The following SOCS3 variants were observed in gnomAD, a reference collection of about 807,000 sequenced individuals.
The protein encoded by SOCS3 is suppressor of cytokine signaling 3, also known as STAT-induced STAT inhibitor 3.
In SOCS3, 5 loss-of-function variants were observed where a neutral mutation model predicts 11.7. The observed-to-expected ratio is 0.43, with a 90% CI of 0.22 to 0.90. The LOEUF (loss-of-function observed/expected upper bound fraction) is 0.90, where lower values mean the gene tolerates loss of function less well. SOCS3 is among the 40% of genes least tolerant of loss of function. The probability of loss-of-function intolerance (pLI) is 0.27; values close to 1 mark genes in which losing one functional copy is unlikely to be tolerated. For synonymous variants in SOCS3, 143 were observed against 136.3 expected, an observed-to-expected ratio of 1.05 and a Z score of -0.34; for missense variants, 203 against 302.0, an observed-to-expected ratio of 0.67 and a Z score of 2.43.
chr17:78,359,349 C>T (rs1037840857), intron 1 of SOCS3, among the ~76,000 whole-genome samples, 166 bp from the exon 2 acceptor site: 1 of 152,110 alleles, frequency 6.6e-6, no homozygotes, highest in Non-Finnish European at 1.5e-5. Flanking sequence ...CCGCACGGCT[C>T]CCGCCCCTGC....
chr17:78,358,301 TC>T lies in SOCS3; in HGVS notation c.*116del, dbSNP rs1311321131. The T allele has an allele frequency of 1.3e-5, 13 of 966,562 alleles. No individual in the cohort carries two copies. Among genetic ancestry groups the T allele is most frequent in the Non-Finnish European group, 1.7e-5 (11 of 630,774 alleles). 59.9% of individuals were successfully genotyped at this position (966,562 alleles called of 1,614,324 possible). ...GAGGGAGGGGCCTGTCCGCCCTCTT[TC>T]CCCCCAGAGCTACAGGACTCTCTCC... On this transcript the variant is annotated 3_prime_UTR_variant, in exon 2 of 2. Transcript: ENST00000330871. This position sits in a 1 kb window ranked among gnomAD's most constrained non-coding sequence, Gnocchi z 4.7.
In SOCS3 at chr17:78,358,111, T is replaced by C; in HGVS notation, c.*307A>G. On this transcript the variant is annotated 3_prime_UTR_variant, in exon 2 of 2. Transcript: ENST00000330871. This position sits in a 1 kb window ranked among gnomAD's most constrained non-coding sequence, Gnocchi z 4.7. ...CAGCATTCCCGAAGTGTCCCCTGTTTGGAGGCAGAGGGGAAGCTGAGGAAT... is the reference window on the plus strand; with the variant it reads ...CAGCATTCCCGAAGTGTCCCCTGTTCGGAGGCAGAGGGGAAGCTGAGGAAT... 1 of 398,714 alleles carries C rather than the reference T, an allele frequency of 2.5e-6. No individual in the cohort carries two copies. The highest frequency in any genetic ancestry group is 4.6e-6 in the Non-Finnish European group (1 of 216,308). 24.7% of individuals were successfully genotyped at this position (398,714 alleles called of 1,614,324 possible).
In SOCS3 at chr17:78,357,113, C is replaced by CAAAA. The variant is rs78818634; in HGVS notation, c.*1304_*1305insTTTT. 6.6e-6 allele frequency: 1 copy of CAAAA among 152,174 alleles called. No homozygotes were observed. The highest frequency in any genetic ancestry group is 2.4e-5 in the African/African-American group (1 of 41,372). The allele number at this position is 152,174 out of a possible 1,614,324, so 9.4% of individuals were successfully genotyped here. ...TTGTGTTTGTTTAGTTGCCCCCCCC[C>CAAAA]ACAAAAACAAAAACAAAAACAAAAA... On this transcript the variant is annotated 3_prime_UTR_variant, in exon 2 of 2. Transcript: ENST00000330871. The surrounding 1 kb of genome is among the most constrained non-coding windows in gnomAD (Gnocchi z 7.0).
Position 78,359,966 on chromosome 17 carries a change from GAGGGACCGCGGCA to G in SOCS3, c.-318_-306del, listed in dbSNP as rs1394215853. Reference sequence around the variant, plus strand: ...CGGACCAACCGGGAGGGGACCAGGAGAGGGACCGCGGCAAGGGGCCGCGGCGGGAGCTGGGCCG... The same window carrying G: ...CGGACCAACCGGGAGGGGACCAGGAGAGGGGCCGCGGCGGGAGCTGGGCCG... On this transcript the variant is annotated 5_prime_UTR_variant, in exon 1 of 2. Coordinates refer to ENST00000330871, the MANE Select transcript of SOCS3 (RefSeq NM_003955.5). 5.3e-6 allele frequency: 1 copy of G among 189,560 alleles called. No individual in the cohort carries two copies. The highest frequency in any genetic ancestry group is 1.1e-5 in the Non-Finnish European group (1 of 91,146). The allele number at this position is 189,560 out of a possible 1,614,324, so 11.7% of individuals were successfully genotyped here.
chr17:78,360,496 A>G (rs2081604196), upstream of SOCS3: 1 of 148,548 alleles, frequency 6.7e-6, no homozygotes, highest in African/African-American at 2.5e-5. This position sits in a 1 kb window ranked among gnomAD's most constrained non-coding sequence, Gnocchi z 5.6. Flanking sequence ...CGACCTGGAG[A>G]GCCTCCCGGT....
At chr17:78,360,497 G>A (rs1417800600), upstream of SOCS3, 2 of 151,848 alleles carry the variant, frequency 1.3e-5, no homozygotes, top group East Asian at 3.9e-4. This position sits in a 1 kb window ranked among gnomAD's most constrained non-coding sequence, Gnocchi z 5.6. Flanking sequence ...GACCTGGAGA[G>A]CCTCCCGGTT....
In SOCS3 at chr17:78,357,559, A is replaced by G. The variant is rs913467186; in HGVS notation, c.*859T>C. On this transcript the variant is annotated 3_prime_UTR_variant, in exon 2 of 2. Transcript: ENST00000330871. The surrounding 1 kb of genome is among the most constrained non-coding windows in gnomAD (Gnocchi z 7.0). Reference sequence around the variant, plus strand: ...TTTAAGGCGAATCTCTTAGCCAGACATAGTCAGGAGGCACAGAGTAGAATC... The same window carrying G: ...TTTAAGGCGAATCTCTTAGCCAGACGTAGTCAGGAGGCACAGAGTAGAATC... 2.6e-5 allele frequency: 4 copies of G among 152,234 alleles called. No individual in the cohort carries two copies. The highest frequency in any genetic ancestry group is 7.2e-5 in the African/African-American group (3 of 41,444). 9.4% of individuals were successfully genotyped at this position (152,234 alleles called of 1,614,324 possible). A position where few individuals can be genotyped will look rare whatever the true frequency, so the allele number is the denominator to read the frequency against.
chr17:78,359,970 G>T lies in SOCS3; in HGVS notation c.-309C>A. On this transcript the variant is annotated 5_prime_UTR_variant, in exon 1 of 2. Coordinates refer to ENST00000330871, the MANE Select transcript of SOCS3 (RefSeq NM_003955.5). Reference sequence around the variant, plus strand: ...CCAACCGGGAGGGGACCAGGAGAGGGACCGCGGCAAGGGGCCGCGGCGGGA... The same window carrying T: ...CCAACCGGGAGGGGACCAGGAGAGGTACCGCGGCAAGGGGCCGCGGCGGGA... The T allele has an allele frequency of 5.2e-6, 1 of 191,090 alleles. No homozygotes were observed. Among genetic ancestry groups the T allele is most frequent in the South Asian group, 1.9e-4 (1 of 5,356 alleles). The allele number at this position is 191,090 out of a possible 1,614,324, so 11.8% of individuals were successfully genotyped here.
Position 78,358,180 on chromosome 17 carries a change from G to C in SOCS3, c.*238C>G. 1 of 547,546 alleles carries C rather than the reference G, an allele frequency of 1.8e-6. No individual in the cohort carries two copies. The highest frequency in any genetic ancestry group is 1.9e-5 in the African/African-American group (1 of 53,114). 33.9% of individuals were successfully genotyped at this position (547,546 alleles called of 1,614,324 possible). A position where few individuals can be genotyped will look rare whatever the true frequency, so the allele number is the denominator to read the frequency against. On this transcript the variant is annotated 3_prime_UTR_variant, in exon 2 of 2. Transcript: ENST00000330871. This position sits in a 1 kb window ranked among gnomAD's most constrained non-coding sequence, Gnocchi z 4.7. ...TGGTTGCTATCGTCCCACCAGGACAGCTGGCTCCTCCGGAGAAGCTGGAGA... is the reference window on the plus strand; with the variant it reads ...TGGTTGCTATCGTCCCACCAGGACACCTGGCTCCTCCGGAGAAGCTGGAGA...
In SOCS3 at chr17:78,358,424, C is replaced by T. The variant is rs576596376; in HGVS notation, c.672G>A (p.Pro224=). The T allele has an allele frequency of 5.6e-6, 9 of 1,613,546 alleles. No individual in the cohort carries two copies. The Admixed American group carries it at 8.3e-5, about 15-fold the overall frequency. Residue 224 remains proline, a synonymous_variant, in exon 2 of 2, where the codon CCG becomes CCA. Coordinates refer to ENST00000330871, the MANE Select transcript of SOCS3 (RefSeq NM_003955.5). This position sits in a 1 kb window ranked among gnomAD's most constrained non-coding sequence, Gnocchi z 4.7. The part of the protein sequence containing the change: ...IREFLDQYDA[P]L Reference sequence around the variant, plus strand: ...CCTTTGCGCCCTTTACCCCTTAAAGCGGGGCATCGTACTGGTCCAGGAACT... The same window carrying T: ...CCTTTGCGCCCTTTACCCCTTAAAGTGGGGCATCGTACTGGTCCAGGAACT...
At position 78,359,090 on chromosome 17, in the gene SOCS3, G is replaced by T; in HGVS notation, c.6C>A (p.Val2=). 1 of 1,558,322 alleles carries T rather than the reference G, an allele frequency of 6.4e-7. No individual in the cohort carries two copies. Residue 2 remains valine, a synonymous_variant, in exon 2 of 2, where the codon GTC becomes GTA. Transcript: ENST00000330871. M[V]THSKFPAAGM... Reference sequence around the variant, plus strand: ...CGGCGGCGGGAAACTTGCTGTGGGTGACCATGGCGCACGGAGCCAGCGTGG... The same window carrying T: ...CGGCGGCGGGAAACTTGCTGTGGGTTACCATGGCGCACGGAGCCAGCGTGG...
chr17:78,358,122 G>A lies in SOCS3; in HGVS notation c.*296C>T, dbSNP rs1598181586. 2 of 418,286 alleles carry A rather than the reference G, an allele frequency of 4.8e-6. No homozygotes were observed. Among genetic ancestry groups the A allele is most frequent in the East Asian group, 8.4e-5 (2 of 23,936 alleles). The allele number at this position is 418,286 out of a possible 1,614,324, so 25.9% of individuals were successfully genotyped here. A position where few individuals can be genotyped will look rare whatever the true frequency, so the allele number is the denominator to read the frequency against. ...AAGTGTCCCCTGTTTGGAGGCAGAG[G>A]GGAAGCTGAGGAATTGAAGGAGAAT... On this transcript the variant is annotated 3_prime_UTR_variant, in exon 2 of 2. Transcript: ENST00000330871. This position sits in a 1 kb window ranked among gnomAD's most constrained non-coding sequence, Gnocchi z 4.7.
Position 78,358,227 on chromosome 17 carries a change from C to T in SOCS3, c.*191G>A. On this transcript the variant is annotated 3_prime_UTR_variant, in exon 2 of 2. Transcript: ENST00000330871. This position sits in a 1 kb window ranked among gnomAD's most constrained non-coding sequence, Gnocchi z 4.7. The stretch of plus-strand genomic sequence containing the variant: ...GAGACTCAGGTGGTACTCCCCCTTC[C>T]CTCCAACACATTCCAGGTCCGCCTG... 1.7e-6 allele frequency: 1 copy of T among 600,802 alleles called. No individual in the cohort carries two copies. The highest frequency in any genetic ancestry group is 2.9e-6 in the Non-Finnish European group (1 of 341,564). 37.2% of individuals were successfully genotyped at this position (600,802 alleles called of 1,614,324 possible). A position where few individuals can be genotyped will look rare whatever the true frequency, so the allele number is the denominator to read the frequency against.
At position 78,358,079 on chromosome 17, in the gene SOCS3, A is replaced by T. The variant is rs1209805141; in HGVS notation, c.*339T>A. On this transcript the variant is annotated 3_prime_UTR_variant, in exon 2 of 2. Transcript: ENST00000330871. The surrounding 1 kb of genome is among the most constrained non-coding windows in gnomAD (Gnocchi z 4.7). ...GTTTGAAGATTCCCTGGCAGTTCTC[A>T]TTAGTTCAGCATTCCCGAAGTGTCC... 6 of 303,964 alleles carry T rather than the reference A, an allele frequency of 2.0e-5. No individual in the cohort carries two copies. In the Admixed American group the frequency reaches 2.7e-4, roughly 14 times the overall value. The allele number at this position is 303,964 out of a possible 1,614,324, so 18.8% of individuals were successfully genotyped here. A position where few individuals can be genotyped will look rare whatever the true frequency, so the allele number is the denominator to read the frequency against.
rs1379257986 is a variant in SOCS3, at chr17:78,359,051, G to A, written c.45C>T (p.Pro15=). The A allele has an allele frequency of 6.4e-7, 1 of 1,573,398 alleles. No homozygotes were observed. The highest frequency in any genetic ancestry group is 8.6e-7 in the Non-Finnish European group (1 of 1,159,392). The change falls in exon 2 of 2, where the codon CCC becomes CCT. Residue 15 remains proline, a synonymous_variant. Transcript: ENST00000330871. ...SKFPAAGMSR[P]LDTSLRLKTF... Reference sequence around the variant, plus strand: ...TCTTGAGGCGCAGGCTGGTGTCCAGGGGGCGGCTCATCCCGGCGGCGGGAA... The same window carrying A: ...TCTTGAGGCGCAGGCTGGTGTCCAGAGGGCGGCTCATCCCGGCGGCGGGAA...
rs979171310 is a variant in SOCS3 at position 78,357,209 on chromosome 17, G to C, written c.*1209C>G. Reference sequence around the variant, plus strand: ...ATTGTCACTGATCAGTGCTATGGCAGAGCGGGAGCACCCGGGGTGGCAGCA... The same window carrying C: ...ATTGTCACTGATCAGTGCTATGGCACAGCGGGAGCACCCGGGGTGGCAGCA... On this transcript the variant is annotated 3_prime_UTR_variant, in exon 2 of 2. Transcript: ENST00000330871. This position sits in a 1 kb window ranked among gnomAD's most constrained non-coding sequence, Gnocchi z 7.0. The C allele has an allele frequency of 4.6e-5, 7 of 152,208 alleles. No individual in the cohort carries two copies. Among genetic ancestry groups the C allele is most frequent in the Admixed American group, 2.0e-4 (3 of 15,282 alleles). The allele number at this position is 152,208 out of a possible 1,614,324, so 9.4% of individuals were successfully genotyped here.
rs2145991233 is a variant in SOCS3 at position 78,358,167 on chromosome 17, T to TC, written c.*250dup. On this transcript the variant is annotated 3_prime_UTR_variant, in exon 2 of 2. Coordinates refer to ENST00000330871, the MANE Select transcript of SOCS3 (RefSeq NM_003955.5). This position sits in a 1 kb window ranked among gnomAD's most constrained non-coding sequence, Gnocchi z 4.7. ...GAGAATCCACTTGTGGTTGCTATCG[T>TC]CCCACCAGGACAGCTGGCTCCTCCG... 2.0e-6 allele frequency: 1 copy of TC among 508,656 alleles called. No homozygotes were observed. The highest frequency in any genetic ancestry group is 2.8e-5 in the South Asian group (1 of 35,456). 31.5% of individuals were successfully genotyped at this position (508,656 alleles called of 1,614,324 possible).
chr17:78,359,277 G>T, intron 1 of SOCS3, 94 bp from the exon 2 acceptor site: 3 of 548,890 alleles, frequency 5.5e-6, no homozygotes, highest in Admixed American at 8.5e-5. Context: ...AGCGACTGGG[G>T]CACCCACTGC....
intron 1 of SOCS3, among the ~76,000 whole-genome samples, chr17:78,359,524 G>A (rs2081595091): frequency 6.6e-6 from 1 of 152,176 alleles, no homozygotes; most frequent in Non-Finnish European, 1.5e-5. Context: ...GCCCCGGGCG[G>A]TGTGGACGGA....
Sources: allele counts gnomAD v4.1 joint callset (sites outside exome capture counted in the v4.1 genomes callset), GRCh38; gene constraint gnomAD v4.1.1; non-coding constraint Gnocchi (gnomAD v3.1); transcripts MANE v1.5; gene names NCBI Gene and HGNC (gene_info 2026-07-23, HGNC 2026-07-21).